RERE: variants seen among roughly 807,000 people sequenced by gnomAD.
RERE encodes the protein arginine-glutamic acid dipeptide repeats, also known as arginine-glutamic acid dipeptide repeats protein.
Under a neutral mutation model 146.1 loss-of-function variants are expected in RERE, and 40 were observed. That is an observed-to-expected ratio of 0.27 (90% CI 0.21 to 0.36). RERE has a LOEUF of 0.36. Among genes scored for constraint, RERE ranks in the 10% least tolerant of loss-of-function variants. The pLI, the probability that RERE is intolerant of heterozygous loss-of-function variation, is 1.00. For missense variants in RERE, 1,933 were observed against 2,138.7 expected (o/e 0.90, Z 1.90); for synonymous variants, 1,003 against 866.0 (o/e 1.16, Z -2.78).
At chr1:8,780,615 T>A (rs926946799) in intron 1 of RERE, among the ~76,000 whole-genome samples, 1 of 152,158 alleles carries the variant, frequency 6.6e-6, no homozygotes, top group Non-Finnish European at 1.5e-5. Flanking sequence ...GGAGAGGAAG[T>A]GATTTCACCC....
Position 8,356,026 on chromosome 1 carries a change from A to T in RERE, c.4486+74T>A. The T allele has an allele frequency of 7.1e-7, 1 of 1,403,260 alleles. No individual in the cohort carries two copies. Among genetic ancestry groups the T allele is most frequent in the Non-Finnish European group, 9.4e-7 (1 of 1,061,762 alleles). 86.9% of individuals were successfully genotyped at this position (1,403,260 alleles called of 1,614,324 possible). The stretch of plus-strand genomic sequence containing the variant: ...TGCATGAATGAATGAATGAGTAATG[A>T]ATGAAGACAGCAGACCAGACCCCAA... On this transcript the variant is annotated intron_variant, in intron 21 of 22. Transcript: ENST00000400908. This position sits in a 1 kb window ranked among gnomAD's most constrained non-coding sequence, Gnocchi z 5.2.
chr1:8,560,733 G>C (rs183387819), intron 4 of RERE, among the ~76,000 whole-genome samples: 113 of 152,322 alleles, frequency 7.4e-4, no homozygotes, highest in Non-Finnish European at 7.4e-5. Flanking sequence ...ATAGTTCACA[G>C]AAAAATCTGA....
intron 4 of RERE, among the ~76,000 whole-genome samples, chr1:8,558,887 C>CT (rs1241284567): frequency 3.3e-5 from 5 of 150,748 alleles, no homozygotes; most frequent in Admixed American, 3.3e-4. Context: ...CCTCCACCTC[C>CT]TAGGTTCAAA....
rs1399180780 is a variant in RERE at position 8,362,758 on chromosome 1, G to A, written c.1827C>T (p.Ser609=). The A allele has an allele frequency of 1.9e-6, 3 of 1,614,082 alleles. No individual in the cohort carries two copies. Among genetic ancestry groups the A allele is most frequent in the Admixed American group, 1.7e-5 (1 of 60,004 alleles). ...TSPINEDIRS[S]GRNSPSAAST... Reference sequence around the variant, plus strand: ...TGGCAGCGCTGGGGGAGTTCCGGCCGCTGGAGCGGATGTCTTCATTGATGG... The same window carrying A: ...TGGCAGCGCTGGGGGAGTTCCGGCCACTGGAGCGGATGTCTTCATTGATGG... Residue 609 remains serine (S), a synonymous_variant, in exon 16 of 23, where the codon AGC becomes AGT. Coordinates refer to ENST00000400908, the MANE Select transcript of RERE (RefSeq NM_001042681.2).
intron 12 of RERE, among the ~76,000 whole-genome samples, chr1:8,409,491 G>GA (rs888737441): frequency 9.2e-5 from 14 of 152,212 alleles, no homozygotes; most frequent in African/African-American, 3.4e-4. Context: ...ATGAAAAGCA[G>GA]AAAGTCCAAT....
At chr1:8,630,587 T>C (rs1001591823) in intron 2 of RERE, among the ~76,000 whole-genome samples, 2 of 152,148 alleles carry the variant, frequency 1.3e-5, no homozygotes, top group Non-Finnish European at 2.9e-5. Context: ...CACTGGAGAA[T>C]TTAAAAGGGA....
At chr1:8,442,290 C>T (rs944288775) in intron 11 of RERE, among the ~76,000 whole-genome samples, 1 of 149,740 alleles carries the variant, frequency 6.7e-6, no homozygotes. Context: ...GAGGCTGAAG[C>T]AGAATTGCTG....
chr1:8,712,922 A>C (rs1317514667), intron 1 of RERE, among the ~76,000 whole-genome samples: 3 of 152,222 alleles, frequency 2.0e-5, no homozygotes, highest in African/African-American at 7.2e-5. Context: ...TAACAGCCTA[A>C]GGCGTCATGG....
intron 11 of RERE, among the ~76,000 whole-genome samples, chr1:8,457,572 T>C (rs1489226013): frequency 1.3e-5 from 2 of 152,196 alleles, no homozygotes; most frequent in African/African-American, 4.8e-5. Flanking sequence ...TACTTCTACC[T>C]AAGGGAGACT....
At chr1:8,797,500 G>C (rs1641500748) in intron 1 of RERE, among the ~76,000 whole-genome samples, 1 of 152,086 alleles carries the variant, frequency 6.6e-6, no homozygotes, top group Non-Finnish European at 1.5e-5. Context: ...GACATATTAA[G>C]AAATCTCTGG....
chr1:8,782,199 C>T (rs1387376738), intron 1 of RERE, among the ~76,000 whole-genome samples: 2 of 152,146 alleles, frequency 1.3e-5, no homozygotes, highest in Non-Finnish European at 2.9e-5. Context: ...ATCCAATGAT[C>T]AGTTCTCAGT....
At chr1:8,770,463 A>T (rs1369847536) in intron 1 of RERE, among the ~76,000 whole-genome samples, 2 of 152,182 alleles carry the variant, frequency 1.3e-5, no homozygotes, top group Non-Finnish European at 2.9e-5. Context: ...AGAAAATGTC[A>T]CCTACTGATT....
chr1:8,689,061 C>T (rs1000479350), intron 1 of RERE, among the ~76,000 whole-genome samples: 8 of 151,634 alleles, frequency 5.3e-5, no homozygotes, highest in African/African-American at 1.5e-4. Flanking sequence ...AAAATCTATT[C>T]CAAGCTTTTA....
At chr1:8,686,184 T>C (rs1003146216) in intron 1 of RERE, among the ~76,000 whole-genome samples, 1 of 152,060 alleles carries the variant, frequency 6.6e-6, no homozygotes, top group African/African-American at 2.4e-5. Flanking sequence ...GGTTTTGCCA[T>C]GTTGCCCAGG....
At chr1:8,477,522 A>T (rs1023235094) in intron 10 of RERE, among the ~76,000 whole-genome samples, 2 of 152,232 alleles carry the variant, frequency 1.3e-5, no homozygotes, top group South Asian at 4.1e-4. Context: ...AATTTGTGAC[A>T]TGAAACTGGG....
At chr1:8,711,398 G>T (rs1639666266) in intron 1 of RERE, among the ~76,000 whole-genome samples, 1 of 152,124 alleles carries the variant, frequency 6.6e-6, no homozygotes. Context: ...CATGGATGTA[G>T]CCCTAAACCA....
chr1:8,597,437 T>C (rs925019566), intron 4 of RERE, among the ~76,000 whole-genome samples: 2 of 152,184 alleles, frequency 1.3e-5, no homozygotes, highest in African/African-American at 4.8e-5. Context: ...CAAAGAAATT[T>C]GTGTTGCCTC....
intron 2 of RERE, 40 bp from the exon 3 acceptor site, chr1:8,624,420 CT>C (rs766463822): frequency 6.0e-6 from 8 of 1,339,652 alleles, no homozygotes; most frequent in South Asian, 1.2e-5. Context: ...TGGCATTTAC[CT>C]TTAAGGAACA....
intron 1 of RERE, among the ~76,000 whole-genome samples, chr1:8,763,735 T>C (rs546682976): frequency 6.6e-6 from 1 of 151,914 alleles, no homozygotes; most frequent in Non-Finnish European, 1.5e-5. Flanking sequence ...GGTCAGGAGA[T>C]AGAGACCATC....
Sources: allele counts gnomAD v4.1 joint callset (sites outside exome capture counted in the v4.1 genomes callset), GRCh38; gene constraint gnomAD v4.1.1; non-coding constraint Gnocchi (gnomAD v3.1); transcripts MANE v1.5; gene names NCBI Gene and HGNC (gene_info 2026-07-23, HGNC 2026-07-21).